Variants in ECE1 observed in about 807,000 individuals in gnomAD.
The protein encoded by ECE1 is endothelin-converting enzyme 1.
ECE1 carries 35 observed loss-of-function variants against 98.6 expected under a neutral mutation model. The observed-to-expected ratio is 0.35, with a 90% CI of 0.27 to 0.47. The LOEUF (loss-of-function observed/expected upper bound fraction) is 0.47, where lower values mean the gene tolerates loss of function less well. Among genes scored for constraint, ECE1 ranks in the 20% least tolerant of loss-of-function variants. The pLI is 1.00. For missense variants in ECE1, 814 were observed against 1,025.3 expected (o/e 0.79, Z 2.81); for synonymous variants, 394 against 407.1 (o/e 0.97, Z 0.39).
chr1:21,262,567 T>C lies in ECE1; in HGVS notation c.494-2175A>G, dbSNP rs369614688. The stretch of plus-strand genomic sequence containing the variant: ...AGGGCCAGCGCTGGGGAAGGCACTC[T>C]GTGTGCTCTGGCCCATGAGTGAGCC... On this transcript the variant is annotated intron_variant, in intron 4 of 18. Coordinates refer to ENST00000374893, the MANE Select transcript of ECE1 (RefSeq NM_001397.3). Among the ~76,000 whole-genome samples, 17 of 152,324 alleles carry C rather than the reference T, an allele frequency of 1.1e-4. No individual in the cohort carries two copies. The East Asian group carries it at 3.3e-3, about 29-fold the overall frequency.
chr1:21,302,039 C>A (rs1638496641), intron 1 of ECE1, among the ~76,000 whole-genome samples: 1 of 152,116 alleles, frequency 6.6e-6, no homozygotes, highest in South Asian at 2.1e-4. Context: ...TGATGTGGAG[C>A]TGCAGGAAAG....
chr1:21,343,113 T>G (rs1485715842), intron 1 of ECE1, among the ~76,000 whole-genome samples: 1 of 152,138 alleles, frequency 6.6e-6, no homozygotes, highest in Non-Finnish European at 1.5e-5. Context: ...ACCTGCTCCA[T>G]GAAGCTTTCT....
intron 1 of ECE1, among the ~76,000 whole-genome samples, chr1:21,330,226 CTTTTTTT>C (rs71014186): frequency 4.1e-4 from 18 of 43,404 alleles, no homozygotes; most frequent in Non-Finnish European, 8.6e-4. Context: ...TCGCCAAATA[CTTTTTTT>C]TTTTTTTTTT....
intron 4 of ECE1, among the ~76,000 whole-genome samples, chr1:21,271,910 CTGT>C (rs2098240653): frequency 1.3e-5 from 2 of 152,068 alleles, no homozygotes; most frequent in African/African-American, 4.8e-5. Context: ...CTCTGATAAG[CTGT>C]TGTTAGAACT....
intron 1 of ECE1, among the ~76,000 whole-genome samples, chr1:21,315,108 CAA>C (rs1180687427): frequency 6.6e-6 from 1 of 152,210 alleles, no homozygotes; most frequent in Non-Finnish European, 1.5e-5. Context: ...TCATTAATTT[CAA>C]ATCTATCTCT....
intron 2 of ECE1, among the ~76,000 whole-genome samples, chr1:21,280,684 C>T (rs1558410556): frequency 6.6e-6 from 1 of 152,180 alleles, no homozygotes; most frequent in African/African-American, 2.4e-5. Context: ...CCACCAACAG[C>T]CTGAGGGGTG....
At chr1:21,297,536 T>C (rs546079551) in intron 1 of ECE1, among the ~76,000 whole-genome samples, 337 of 146,332 alleles carry the variant, frequency 2.3e-3, no homozygotes, top group African/African-American at 8.1e-3. Context: ...TTTTCTTTTT[T>C]TTTTTTTTTT....
chr1:21,343,511 C>T (rs1181963293), intron 1 of ECE1, among the ~76,000 whole-genome samples: 1 of 152,228 alleles, frequency 6.6e-6, no homozygotes, highest in Non-Finnish European at 1.5e-5. Flanking sequence ...TTAGGTAGAA[C>T]TTCCCAGCGT....
intron 4 of ECE1, among the ~76,000 whole-genome samples, chr1:21,262,577 G>C (rs1444279357): frequency 1.7e-4 from 26 of 152,188 alleles, no homozygotes; most frequent in Admixed American, 1.7e-3. Context: ...TGTGTGCTCT[G>C]GCCCATGAGT....
chr1:21,225,251 C>T lies in ECE1; in HGVS notation c.2039G>A (p.Arg680Gln), dbSNP rs775907044. Residue 680 changes from arginine (R) to glutamine (Q), a missense_variant and splice_region_variant, in exon 17 of 19, where the codon CGG becomes CAG. By Grantham distance (43) the Arg-to-Gln change is conservative. Around this residue, in one of 3 missense-constraint regions of ECE1, gnomAD observed 452 missense variants for 567.3 expected, o/e 0.80. Transcript: ENST00000374893. The surrounding 1 kb of genome is among the most constrained non-coding windows in gnomAD (Gnocchi z 5.3). ...ADNGGLKAAY[R>Q]AYQNWVKKNG... Reference sequence around the variant, plus strand: ...GCGTGTGGGGAGCGGGGCTCTCACCCGATAGGCCGCCTTGAGACCCCCGTT... The same window carrying T: ...GCGTGTGGGGAGCGGGGCTCTCACCTGATAGGCCGCCTTGAGACCCCCGTT... The T allele has an allele frequency of 1.1e-5, 18 of 1,613,896 alleles. No homozygotes were observed. Among genetic ancestry groups the T allele is most frequent in the Middle Eastern group, 1.6e-4 (1 of 6,084 alleles).
intron 1 of ECE1, among the ~76,000 whole-genome samples, chr1:21,297,109 G>A (rs558128512): frequency 1.1e-4 from 16 of 152,330 alleles, no homozygotes; most frequent in African/African-American, 3.8e-4. Context: ...CCCAGGGCTG[G>A]GCTCCCGTGA....
At chr1:21,229,093 G>T (rs139248375) in intron 14 of ECE1, among the ~76,000 whole-genome samples, 1 of 151,926 alleles carries the variant, frequency 6.6e-6, no homozygotes, top group East Asian at 1.9e-4. Flanking sequence ...CGCCTGCCTC[G>T]GCCTCCCAAA....
intron 1 of ECE1, among the ~76,000 whole-genome samples, chr1:21,305,895 C>T (rs549654244): frequency 6.6e-6 from 1 of 152,186 alleles, no homozygotes; most frequent in Non-Finnish European, 1.5e-5. Context: ...CAGAGAGAAC[C>T]CTCTGTTCTG....
chr1:21,319,526 C>CA lies in ECE1; in HGVS notation c.3+25849dup, dbSNP rs1256203285. 6.6e-6 allele frequency among the ~76,000 whole-genome samples: 1 copy of CA among 152,124 alleles called. No individual in the cohort carries two copies. The highest frequency in any genetic ancestry group is 2.4e-5 in the African/African-American group (1 of 41,420). On this transcript the variant is annotated intron_variant, in intron 1 of 18. Coordinates refer to the ECE1 transcript ENST00000415912. This position sits in a 1 kb window ranked among gnomAD's most constrained non-coding sequence, Gnocchi z 4.4. ...CCAGGGCACCCCCGGCACCAAGGGC[C>CA]AGACTCCCTCTGCTGCCCCCAATCT...
chr1:21,331,919 C>G (rs985718394), intron 1 of ECE1, among the ~76,000 whole-genome samples: 2 of 152,184 alleles, frequency 1.3e-5, no homozygotes, highest in African/African-American at 4.8e-5. Context: ...ACAGAAGTTA[C>G]TACTATGTCA....
chr1:21,262,215 C>T (rs1007182405), intron 4 of ECE1, among the ~76,000 whole-genome samples: 1 of 152,072 alleles, frequency 6.6e-6, no homozygotes, highest in Admixed American at 6.6e-5. Flanking sequence ...GGGGCCTGAA[C>T]GAGGGGCTAT....
intron 2 of ECE1, among the ~76,000 whole-genome samples, chr1:21,287,324 G>A (rs1187910486): frequency 6.6e-5 from 10 of 152,076 alleles, no homozygotes; most frequent in African/African-American, 7.2e-5. Flanking sequence ...GCAGGAGTTC[G>A]AGACCAGCCT....
chr1:21,225,337 G>T lies in ECE1; in HGVS notation c.1953C>A (p.Asn651Lys), dbSNP rs370114123. The T allele has an allele frequency of 5.3e-5, 86 of 1,614,122 alleles. No homozygotes were observed. Among genetic ancestry groups the T allele is most frequent in the Non-Finnish European group, 6.9e-5 (81 of 1,180,052 alleles). ...TCACCGGCTCCCCGTTCACGCTGTA[G>T]TTGCTGTACTGCTCTACCATGCACT... is the stretch of plus-strand genomic sequence containing the variant. ...QTECMVEQYS[N>K]YSVNGEPVNG... The change falls in exon 17 of 19, where the codon AAC becomes AAA. Residue 651 changes from asparagine to lysine, a missense_variant. Around this residue, in one of 3 missense-constraint regions of ECE1, gnomAD observed 452 missense variants for 567.3 expected, o/e 0.80. Coordinates refer to ENST00000374893, the MANE Select transcript of ECE1 (RefSeq NM_001397.3). This position sits in a 1 kb window ranked among gnomAD's most constrained non-coding sequence, Gnocchi z 5.3.
At chr1:21,342,658 C>T (rs576192448) in intron 1 of ECE1, among the ~76,000 whole-genome samples, 1 of 151,664 alleles carries the variant, frequency 6.6e-6, no homozygotes, top group Non-Finnish European at 1.5e-5. Flanking sequence ...GCCCTGCAAA[C>T]GCGCCGCATT....
Sources: allele counts gnomAD v4.1 joint callset (sites outside exome capture counted in the v4.1 genomes callset), GRCh38; gene constraint gnomAD v4.1.1; regional missense constraint gnomAD v4.1.1; non-coding constraint Gnocchi (gnomAD v3.1); transcripts MANE v1.5; gene names NCBI Gene and HGNC (gene_info 2026-07-23, HGNC 2026-07-21).